The following DPYSL5 variants were observed in gnomAD, a reference collection of about 807,000 sequenced individuals.
DPYSL5 encodes dihydropyrimidinase like 5.
DPYSL5 carries 9 observed loss-of-function variants against 58.4 expected under a neutral mutation model. That is an observed-to-expected ratio of 0.15 (90% CI 0.09 to 0.27). DPYSL5 has a LOEUF of 0.27. Ranked by LOEUF, DPYSL5 falls within the 10% of genes least tolerant of loss-of-function variation. DPYSL5 has a pLI of 1.00. For synonymous variants in DPYSL5, 293 were observed against 301.9 expected (o/e 0.97, Z 0.31); for missense variants, 499 against 770.6 (o/e 0.65, Z 4.17).
In DPYSL5 at chr2:26,849,726, G is replaced by A. The variant is rs561399187; in HGVS notation, c.-5+1472G>A. Among the ~76,000 whole-genome samples, 93 of 152,366 alleles carry A rather than the reference G, an allele frequency of 6.1e-4. No homozygotes were observed. Among genetic ancestry groups the A allele is most frequent in the African/African-American group, 2.2e-3 (93 of 41,592 alleles). Reference sequence around the variant, plus strand: ...AACCAGGGCCACCCAGGACGCGAGGGTGCAGTTTTCTGGTGCTGGGAATAC... The same window carrying A: ...AACCAGGGCCACCCAGGACGCGAGGATGCAGTTTTCTGGTGCTGGGAATAC... On this transcript the variant is annotated intron_variant, in intron 1 of 12. Coordinates refer to ENST00000288699, the MANE Select transcript of DPYSL5 (RefSeq NM_020134.4). This position sits in a 1 kb window ranked among gnomAD's most constrained non-coding sequence, Gnocchi z 6.2.
intron 5 of DPYSL5, among the ~76,000 whole-genome samples, chr2:26,931,185 G>GTA (rs2148164177): frequency 1.5e-5 from 1 of 64,976 alleles, no homozygotes; most frequent in South Asian, 6.7e-4. Flanking sequence ...GTGTGTGTGT[G>GTA]TGTGTGTGTG....
chr2:26,927,464 G>C lies in DPYSL5; in HGVS notation c.600+32G>C. 6.2e-7 allele frequency: 1 copy of C among 1,606,490 alleles called. No individual in the cohort carries two copies. On this transcript the variant is annotated intron_variant, in intron 4 of 12. Transcript: ENST00000288699. This position sits in a 1 kb window ranked among gnomAD's most constrained non-coding sequence, Gnocchi z 4.3. ...CTGCAGCCAAGAATATTGGATGGAG[G>C]GACACCAGTGGAGACAGTTAGTTCT...
chr2:26,904,820 C>T (rs956368152), intron 2 of DPYSL5, among the ~76,000 whole-genome samples: 2 of 152,198 alleles, frequency 1.3e-5, no homozygotes, highest in Non-Finnish European at 2.9e-5. Context: ...GGAGGATCAT[C>T]TGAGCCCAGG....
chr2:26,944,784 G>A lies in DPYSL5; in HGVS notation c.1569G>A (p.Gly523=). Residue 523 remains glycine (G), a synonymous_variant, in exon 12 of 13, where the codon GGG becomes GGA. Transcript: ENST00000288699. This position sits in a 1 kb window ranked among gnomAD's most constrained non-coding sequence, Gnocchi z 4.4. ...CTACCCGGCCCGTCACCCGGCATGGGGGCATGAGGGACCTTCACGAATCCA... is the reference window on the plus strand; with the variant it reads ...CTACCCGGCCCGTCACCCGGCATGGAGGCATGAGGGACCTTCACGAATCCA... The part of the protein sequence containing the change: ...DTPTRPVTRH[G]GMRDLHESSF... 6.2e-7 allele frequency: 1 copy of A among 1,614,156 alleles called. No homozygotes were observed. Among genetic ancestry groups the A allele is most frequent in the Non-Finnish European group, 8.5e-7 (1 of 1,180,032 alleles).
chr2:26,898,799 C>A lies in DPYSL5; in HGVS notation c.261+39C>A. The A allele has an allele frequency of 6.4e-7, 1 of 1,568,906 alleles. No homozygotes were observed. The highest frequency in any genetic ancestry group is 8.7e-7 in the Non-Finnish European group (1 of 1,155,452). Reference sequence around the variant, plus strand: ...TTGCCAAAGGTGGCTTCCTCTTTGGCTTTTTTATTCTGCTTCTAGGGCTGC... The same window carrying A: ...TTGCCAAAGGTGGCTTCCTCTTTGGATTTTTTATTCTGCTTCTAGGGCTGC... On this transcript the variant is annotated intron_variant, in intron 2 of 12. Coordinates refer to ENST00000288699, the MANE Select transcript of DPYSL5 (RefSeq NM_020134.4). The surrounding 1 kb of genome is among the most constrained non-coding windows in gnomAD (Gnocchi z 6.1).
chr2:26,922,817 C>A (rs1186218200), intron 2 of DPYSL5, among the ~76,000 whole-genome samples: 3 of 152,198 alleles, frequency 2.0e-5, no homozygotes, highest in Non-Finnish European at 2.9e-5. Flanking sequence ...AGTAAAGCTA[C>A]AATCTGCACT....
At position 26,944,009 on chromosome 2, in the gene DPYSL5, C is replaced by T. The variant is rs1665394837; in HGVS notation, c.1441-647C>T. On this transcript the variant is annotated intron_variant, in intron 11 of 12. Coordinates refer to ENST00000288699, the MANE Select transcript of DPYSL5 (RefSeq NM_020134.4). This position sits in a 1 kb window ranked among gnomAD's most constrained non-coding sequence, Gnocchi z 4.4. ...GAGGGCGCTCTCTAAAATTGACTTC[C>T]GGTTGGGCATGGTGGCTCACGCCTG... Among the ~76,000 whole-genome samples, 2 of 152,060 alleles carry T rather than the reference C, an allele frequency of 1.3e-5. No homozygotes were observed. Among genetic ancestry groups the T allele is most frequent in the African/African-American group, 2.4e-5 (1 of 41,422 alleles).
chr2:26,879,654 C>T (rs546314351), intron 1 of DPYSL5, among the ~76,000 whole-genome samples: 2 of 152,268 alleles, frequency 1.3e-5, no homozygotes, highest in African/African-American at 4.8e-5. Context: ...TCTCCCAGCC[C>T]CGGACACATG....
chr2:26,850,910 TGCTC>T (rs1384128373), intron 1 of DPYSL5, among the ~76,000 whole-genome samples: 1 of 152,196 alleles, frequency 6.6e-6, no homozygotes, highest in African/African-American at 2.4e-5. Flanking sequence ...GCTGGAACAT[TGCTC>T]ATTGGTTGTT....
In DPYSL5 at chr2:26,877,315, T is replaced by C. The variant is rs1339318793; in HGVS notation, c.-4-21181T>C. ...TTTTTATTTCTATTTATTTATTTAT[T>C]TTTTTAAGGCCAAGGAATTAAGTGA... On this transcript the variant is annotated intron_variant, in intron 1 of 12. Transcript: ENST00000288699. This position sits in a 1 kb window ranked among gnomAD's most constrained non-coding sequence, Gnocchi z 4.1. 6.6e-6 allele frequency among the ~76,000 whole-genome samples: 1 copy of C among 152,188 alleles called. No homozygotes were observed. Among genetic ancestry groups the C allele is most frequent in the Non-Finnish European group, 1.5e-5 (1 of 68,038 alleles).
intron 1 of DPYSL5, among the ~76,000 whole-genome samples, chr2:26,873,896 T>C (rs1663335730): frequency 6.6e-6 from 1 of 152,226 alleles, no homozygotes; most frequent in African/African-American, 2.4e-5. Context: ...AACAGCTATC[T>C]GGGCATCCCT....
rs1664812211 is a variant in DPYSL5 at position 26,925,595 on chromosome 2, C to CG, written c.420+550_420+551insG. The stretch of plus-strand genomic sequence containing the variant: ...TGTCCTGGTCTGTGACTGAGGCTGG[C>CG]ACCCCCTGAGCCTTTCTCAGTTCAG... On this transcript the variant is annotated intron_variant, in intron 3 of 12. Transcript: ENST00000288699. This position sits in a 1 kb window ranked among gnomAD's most constrained non-coding sequence, Gnocchi z 4.5. 2.0e-5 allele frequency among the ~76,000 whole-genome samples: 3 copies of CG among 152,148 alleles called. No homozygotes were observed. The highest frequency in any genetic ancestry group is 7.2e-5 in the African/African-American group (3 of 41,428).
At chr2:26,902,277 A>T (rs1664178451) in intron 2 of DPYSL5, among the ~76,000 whole-genome samples, 1 of 151,924 alleles carries the variant, frequency 6.6e-6, no homozygotes, top group African/African-American at 2.4e-5. Context: ...CTGCTTAAGT[A>T]GATGTTGCAC....
In DPYSL5 at chr2:26,849,946, G is replaced by C. The variant is rs1270809217; in HGVS notation, c.-5+1692G>C. Among the ~76,000 whole-genome samples the C allele has an allele frequency of 2.0e-5, 3 of 152,186 alleles. No individual in the cohort carries two copies. Among genetic ancestry groups the C allele is most frequent in the African/African-American group, 7.2e-5 (3 of 41,454 alleles). On this transcript the variant is annotated intron_variant, in intron 1 of 12. Coordinates refer to ENST00000288699, the MANE Select transcript of DPYSL5 (RefSeq NM_020134.4). This position sits in a 1 kb window ranked among gnomAD's most constrained non-coding sequence, Gnocchi z 6.2. ...TCCACCCGCTGCCGAGACGCGGCGT[G>C]GTTAGCGGCGCGGAGCTGCCGGGCG...
At chr2:26,891,005 G>C (rs1663867201) in intron 1 of DPYSL5, among the ~76,000 whole-genome samples, 1 of 152,170 alleles carries the variant, frequency 6.6e-6, no homozygotes, top group African/African-American at 2.4e-5. Context: ...TGGGGTTAAG[G>C]CTTCAGCATA....
intron 2 of DPYSL5, among the ~76,000 whole-genome samples, chr2:26,903,305 C>T (rs1664207929): frequency 6.6e-6 from 1 of 152,190 alleles, no homozygotes; most frequent in African/African-American, 2.4e-5. Context: ...CTCCTGACCT[C>T]GTGATCCACC....
At chr2:26,889,352 C>T (rs1194357060) in intron 1 of DPYSL5, among the ~76,000 whole-genome samples, 5 of 151,942 alleles carry the variant, frequency 3.3e-5, no homozygotes, top group Non-Finnish European at 5.9e-5. Flanking sequence ...TCACTGCAAG[C>T]GCTGCCTCCC....
intron 1 of DPYSL5, among the ~76,000 whole-genome samples, chr2:26,865,667 G>A (rs578147862): frequency 2.4e-4 from 36 of 152,186 alleles, no homozygotes; most frequent in African/African-American, 8.7e-4. Flanking sequence ...CCACTTTATT[G>A]TATAAACATT....
At chr2:26,860,266 G>T (rs1665978223) in intron 1 of DPYSL5, among the ~76,000 whole-genome samples, 1 of 152,158 alleles carries the variant, frequency 6.6e-6, no homozygotes. Context: ...ATGGACACAG[G>T]CTGGACAATA....
Sources: gnomAD v4.1 joint callset for allele counts (sites outside exome capture counted in the v4.1 genomes callset) on GRCh38, gnomAD v4.1.1 for gene constraint, Gnocchi (gnomAD v3.1) non-coding constraint, MANE v1.5 for transcripts, NCBI Gene and HGNC (gene_info 2026-07-23, HGNC 2026-07-21) for gene names.